Variants in TNRC6C observed in about 807,000 individuals in gnomAD.
TNRC6C encodes the protein trinucleotide repeat containing adaptor 6C.
Under a neutral mutation model 153.7 loss-of-function variants are expected in TNRC6C, and 20 were observed. The ratio of observed to expected loss-of-function variants is 0.13; its 90% confidence interval spans 0.09 to 0.19. The LOEUF (loss-of-function observed/expected upper bound fraction) is 0.19, where lower values mean the gene tolerates loss of function less well. Ranked by LOEUF, TNRC6C falls within the 10% of genes least tolerant of loss-of-function variation. The probability of loss-of-function intolerance (pLI) is 1.00; values close to 1 mark genes in which losing one functional copy is unlikely to be tolerated. For missense variants in TNRC6C, 1,987 were observed against 2,172.0 expected (o/e 0.91, Z 1.69); for synonymous variants, 811 against 841.4 (o/e 0.96, Z 0.63).
At chr17:78,048,248 A>G (rs1329152052) in intron 2 of TNRC6C, among the ~76,000 whole-genome samples, 1 of 152,118 alleles carries the variant, frequency 6.6e-6, no homozygotes, top group African/African-American at 2.4e-5. Flanking sequence ...AAACATTTCT[A>G]ATCCTTAGTA....
chr17:78,086,149 A>G lies in TNRC6C; in HGVS notation c.3478-354A>G, dbSNP rs992354263. 1.4e-4 allele frequency among the ~76,000 whole-genome samples: 22 copies of G among 151,972 alleles called. No individual in the cohort carries two copies. In the East Asian group the frequency reaches 4.1e-3, roughly 28 times the overall value. ...GTTTGAGACCAGCCTGGCCAACATA[A>G]TGAAACCCCGTCTCTACTAAAAATA... On this transcript the variant is annotated intron_variant, in intron 11 of 19. Coordinates refer to ENST00000301624, the Ensembl canonical transcript of TNRC6C.
exon 1 of TNRC6C, chr17:78,005,065 A>G: frequency 8.1e-7 from 1 of 1,227,384 alleles, no homozygotes; most frequent in Non-Finnish European, 1.0e-6. Flanking sequence ...CAGGCTGCTG[A>G]TCAAAAAACC....
intron 1 of TNRC6C, among the ~76,000 whole-genome samples, chr17:77,994,372 G>T (rs957680019): frequency 5.3e-5 from 8 of 152,080 alleles, no homozygotes; most frequent in African/African-American, 1.7e-4. Context: ...TTTTTCTCTT[G>T]TGCAGATTGT....
rs142785090 is a variant in TNRC6C at position 78,064,137 on chromosome 17, G to A, written c.2396-585G>A. 6.0e-3 allele frequency among the ~76,000 whole-genome samples: 918 copies of A among 152,196 alleles called. 11 individuals carry two copies. Among genetic ancestry groups the A allele is most frequent in the African/African-American group, 0.021 (871 of 41,530 alleles). The stretch of plus-strand genomic sequence containing the variant: ...TGGCTCACTGCAACCTCTGCCTCCC[G>A]GGTTACCAAAGTATAACTTAGGACT... On this transcript the variant is annotated intron_variant, in intron 3 of 19. Transcript: ENST00000301624.
At chr17:77,987,922 C>T (rs1172295071) in intron 1 of TNRC6C, among the ~76,000 whole-genome samples, 10 of 152,096 alleles carry the variant, frequency 6.6e-5, no homozygotes, top group African/African-American at 1.9e-4. Context: ...TCAAGTTATC[C>T]GCCCGCCTTG....
chr17:78,049,171 C>T lies in TNRC6C; in HGVS notation c.109C>T (p.Leu37Phe), dbSNP rs2072467653. Reference sequence around the variant, plus strand: ...CCAAAGCCCTTCTAATCAGAGTGCCCTTGGAGCAGGGGGAGCGAACAGTAA... The same window carrying T: ...CCAAAGCCCTTCTAATCAGAGTGCCTTTGGAGCAGGGGGAGCGAACAGTAA... The change falls in exon 3 of 20, where the codon CTT (leucine) becomes TTT (phenylalanine). Residue 37 changes from leucine to phenylalanine, a missense_variant. This residue lies in a region of TNRC6C where 1,052 missense variants were observed against 1,017.0 expected (regional missense o/e 1.03). Transcript: ENST00000301624. The surrounding 1 kb of genome is among the most constrained non-coding windows in gnomAD (Gnocchi z 4.1). 1 of 1,612,930 alleles carries T rather than the reference C, an allele frequency of 6.2e-7. No homozygotes were observed.
chr17:78,047,303 G>T (rs1299725754), intron 2 of TNRC6C, among the ~76,000 whole-genome samples: 1 of 152,082 alleles, frequency 6.6e-6, no homozygotes, highest in African/African-American at 2.4e-5. Flanking sequence ...ATAAACCAGG[G>T]TTATAGAGCC....
intron 3 of TNRC6C, among the ~76,000 whole-genome samples, chr17:78,064,243 A>G (rs1347692251): frequency 6.6e-6 from 1 of 152,104 alleles, no homozygotes; most frequent in Non-Finnish European, 1.5e-5. Flanking sequence ...TTACAAGTGC[A>G]CGCCACCATA....
intron 1 of TNRC6C, among the ~76,000 whole-genome samples, chr17:78,018,546 G>T (rs778399839): frequency 2.6e-5 from 4 of 152,052 alleles, no homozygotes; most frequent in South Asian, 4.2e-4. Context: ...TGTTTGGGGG[G>T]GTGGAGCAAA....
chr17:78,083,994 C>G (rs1401441212), intron 11 of TNRC6C, among the ~76,000 whole-genome samples: 1 of 152,052 alleles, frequency 6.6e-6, no homozygotes, highest in Admixed American at 6.6e-5. Flanking sequence ...AGAAAATGAC[C>G]AGGAATCGGC....
chr17:77,994,457 G>A (rs894581580), intron 1 of TNRC6C, among the ~76,000 whole-genome samples: 1 of 152,178 alleles, frequency 6.6e-6, no homozygotes, highest in African/African-American at 2.4e-5. Flanking sequence ...ACATAAGTTA[G>A]TTTAATGGCT....
intron 1 of TNRC6C, among the ~76,000 whole-genome samples, chr17:78,020,648 A>G (rs2071814339): frequency 6.6e-6 from 1 of 152,266 alleles, no homozygotes; most frequent in African/African-American, 2.4e-5. Flanking sequence ...GGCTAGTTGC[A>G]TCATCTAAAA....
intron 11 of TNRC6C, among the ~76,000 whole-genome samples, 160 bp from the exon 14 acceptor site, chr17:78,086,328 TAAAAAAAAAAAAAAA>T (rs58348772): frequency 9.0e-4 from 48 of 53,370 alleles, no homozygotes; most frequent in South Asian, 4.8e-3. Context: ...AGACTCCATC[TAAAAAAAAAAAAAAA>T]AAAAAAAAAA....
chr17:77,985,255 T>C (rs2144121473), intron 1 of TNRC6C, among the ~76,000 whole-genome samples: 1 of 152,172 alleles, frequency 6.6e-6, no homozygotes, highest in Middle Eastern at 3.4e-3. Context: ...AGTTCTCAAT[T>C]CCTAGGCTAC....
Position 78,049,397 on chromosome 17 carries a change from T to G in TNRC6C, c.335T>G (p.Leu112Arg), listed in dbSNP as rs1159369164. ...GCCAACCCAGCTGCCTGGCCTGTAC[T>G]TGGACATGAAGGAACCGTGGCGACA... The change falls in exon 3 of 20, where the codon CTT becomes CGT. Residue 112 changes from leucine (L) to arginine (R), a missense_variant. Leu to Arg is a moderately radical substitution (Grantham distance 102). This residue lies in a region of TNRC6C where 1,052 missense variants were observed against 1,017.0 expected (regional missense o/e 1.03). Transcript: ENST00000301624. The surrounding 1 kb of genome is among the most constrained non-coding windows in gnomAD (Gnocchi z 4.1). 6.2e-7 allele frequency: 1 copy of G among 1,613,894 alleles called. No individual in the cohort carries two copies. The highest frequency in any genetic ancestry group is 8.5e-7 in the Non-Finnish European group (1 of 1,179,888).
chr17:78,016,338 T>G (rs1451799401), intron 1 of TNRC6C, among the ~76,000 whole-genome samples: 2 of 152,214 alleles, frequency 1.3e-5, no homozygotes, highest in African/African-American at 2.4e-5. Context: ...CCAGGTCACA[T>G]GCACTCACAT....
chr17:78,000,645 T>C (rs2071399965), upstream of TNRC6C, among the ~76,000 whole-genome samples: 2 of 71,910 alleles, frequency 2.8e-5, no homozygotes, highest in South Asian at 5.8e-4. Flanking sequence ...CACACACAAA[T>C]TAGTGAATAT....
upstream of TNRC6C, among the ~76,000 whole-genome samples, chr17:77,958,022 G>A (rs773709393): frequency 6.6e-6 from 1 of 152,098 alleles, no homozygotes; most frequent in East Asian, 1.9e-4. Context: ...CCTGGGGAGC[G>A]ACTGAGCGCA....
At chr17:77,958,597 T>G (rs1241255424), upstream of TNRC6C, among the ~76,000 whole-genome samples, 1 of 150,418 alleles carries the variant, frequency 6.6e-6, no homozygotes, top group Non-Finnish European at 1.5e-5. Context: ...ACGGTGGGAG[T>G]CACGTGCTAG....
Sources: gnomAD v4.1 joint callset for allele counts (sites outside exome capture counted in the v4.1 genomes callset) on GRCh38, gnomAD v4.1.1 for gene constraint, gnomAD v4.1.1 regional missense constraint, Gnocchi (gnomAD v3.1) non-coding constraint, MANE v1.5 for transcripts, NCBI Gene and HGNC (gene_info 2026-07-23, HGNC 2026-07-21) for gene names.